ABCD2: variants seen among roughly 807,000 people sequenced by gnomAD.
ABCD2 encodes ATP binding cassette subfamily D member 2.
ABCD2 carries 36 observed loss-of-function variants against 70.9 expected under a neutral mutation model. The ratio of observed to expected loss-of-function variants is 0.51; its 90% confidence interval spans 0.39 to 0.67. ABCD2 has a LOEUF of 0.67. ABCD2 is among the 30% of genes least tolerant of loss of function. The pLI is 0.00. For synonymous variants in ABCD2, 304 were observed against 306.9 expected (o/e 0.99, Z 0.10); for missense variants, 729 against 890.2 (o/e 0.82, Z 2.30).
At chr12:39,598,105 T>C (rs1238422447) in intron 6 of ABCD2, among the ~76,000 whole-genome samples, 2 of 152,228 alleles carry the variant, frequency 1.3e-5, no homozygotes, top group Non-Finnish European at 2.9e-5. Flanking sequence ...GGTTCACTTC[T>C]TTCTTCCGTA....
chr12:39,546,154 AC>A (rs1271793502), downstream of ABCD2, among the ~76,000 whole-genome samples: 18 of 152,182 alleles, frequency 1.2e-4, no homozygotes. Flanking sequence ...AAAAGAAAAA[AC>A]TGCACATTAT....
chr12:39,585,557 T>G (rs751445233), intron 7 of ABCD2, among the ~76,000 whole-genome samples: 32 of 152,182 alleles, frequency 2.1e-4, no homozygotes, highest in Non-Finnish European at 4.0e-4. Context: ...TATTATTAAA[T>G]TATTTGAAAG....
At position 39,551,339 on chromosome 12, in the gene ABCD2, T is replaced by A. The variant is rs562480867; in HGVS notation, c.*2573A>T. 6.6e-6 allele frequency: 1 copy of A among 151,842 alleles called. No homozygotes were observed. Among genetic ancestry groups the A allele is most frequent in the Non-Finnish European group, 1.5e-5 (1 of 67,642 alleles). 9.4% of individuals were successfully genotyped at this position (151,842 alleles called of 1,614,324 possible). On this transcript the variant is annotated 3_prime_UTR_variant, in exon 10 of 10. Transcript: ENST00000308666. ...TGTCAAACGTTTGGGCAAATAGATATAACATGGTAAAAGTAGTTTGAAACT... is the reference window on the plus strand; with the variant it reads ...TGTCAAACGTTTGGGCAAATAGATAAAACATGGTAAAAGTAGTTTGAAACT...
At chr12:39,535,707 C>T in the ABCD2 span, among the ~76,000 whole-genome samples, 3 of 152,154 alleles carry the variant, frequency 2.0e-5, no homozygotes, top group Non-Finnish European at 4.4e-5. Flanking sequence ...ATTTTCAACA[C>T]TTATTCATTC....
intron 9 of ABCD2, 70 bp from the exon 10 acceptor site, chr12:39,554,201 A>G (rs1420463876): frequency 2.1e-6 from 3 of 1,446,996 alleles, no homozygotes; most frequent in East Asian, 2.4e-5. Context: ...TAGGTTTATC[A>G]TTCAAATTGA....
chr12:39,592,004 A>G (rs1183984177), intron 6 of ABCD2, among the ~76,000 whole-genome samples: 1 of 152,152 alleles, frequency 6.6e-6, no homozygotes, highest in East Asian at 1.9e-4. Flanking sequence ...GCATTCTTCC[A>G]AGCCATAGAA....
chr12:39,587,242 C>T (rs965890900), intron 6 of ABCD2, among the ~76,000 whole-genome samples: 38 of 152,086 alleles, frequency 2.5e-4, no homozygotes, highest in African/African-American at 8.9e-4. Context: ...TGAGGAAGAC[C>T]TCTATAAACT....
downstream of ABCD2, among the ~76,000 whole-genome samples, chr12:39,548,211 G>A (rs1162170121): frequency 6.6e-6 from 1 of 152,078 alleles, no homozygotes; most frequent in Non-Finnish European, 1.5e-5. Flanking sequence ...AGATGATTTT[G>A]CCCACCTGTA....
chr12:39,541,013 T>A, the ABCD2 span, among the ~76,000 whole-genome samples: 2 of 151,596 alleles, frequency 1.3e-5, no homozygotes, highest in Non-Finnish European at 2.9e-5. Flanking sequence ...AGAGTTTCAC[T>A]GTTTTCATAA....
In ABCD2 at chr12:39,619,132, T is replaced by C. The variant is rs1942157323; in HGVS notation, c.484A>G (p.Ser162Gly). 6.2e-7 allele frequency: 1 copy of C among 1,614,098 alleles called. No homozygotes were observed. The highest frequency in any genetic ancestry group is 1.1e-5 in the South Asian group (1 of 91,078). Residue 162 changes from serine (S) to glycine (G), a missense_variant, in exon 1 of 10, where the codon AGT (serine) becomes GGT (glycine). This residue lies in a region of ABCD2 where 245 missense variants were observed against 261.2 expected (regional missense o/e 0.94). Coordinates refer to ENST00000308666, the MANE Select transcript of ABCD2 (RefSeq NM_005164.4). ...MIAIPATFVN[S>G]AIRYLECKLA... The stretch of plus-strand genomic sequence containing the variant: ...TTGCATTCCAGGTACCTTATTGCAC[T>C]GTTGACGAAGGTAGCAGGGATGGCA...
chr12:39,572,401 G>C (rs539834275), intron 9 of ABCD2, among the ~76,000 whole-genome samples: 53 of 152,248 alleles, frequency 3.5e-4, no homozygotes, highest in African/African-American at 1.1e-3. Flanking sequence ...TAAAGATCTA[G>C]GTCCTGTTGG....
chr12:39,589,209 T>G (rs78985731), intron 6 of ABCD2, among the ~76,000 whole-genome samples: 5,796 of 152,222 alleles, frequency 0.038, 133 homozygotes, highest in African/African-American at 0.062. Flanking sequence ...TATCTACCTA[T>G]TTTCCCATGG....
At position 39,618,962 on chromosome 12, in the gene ABCD2, G is replaced by A; in HGVS notation, c.654C>T (p.Ser218=). Residue 218 remains serine, a synonymous_variant, in exon 1 of 10, where the codon TCC becomes TCT. Coordinates refer to ENST00000308666, the MANE Select transcript of ABCD2 (RefSeq NM_005164.4). ...QSLTEDIMMF[S]QSVAHLYSNL... is the part of the protein sequence containing the mutation. Reference sequence around the variant, plus strand: ...TGGAATACAAGTGAGCCACAGATTGGGAGAACATCATAATATCCTCCGTAA... The same window carrying A: ...TGGAATACAAGTGAGCCACAGATTGAGAGAACATCATAATATCCTCCGTAA... 7.4e-6 allele frequency: 12 copies of A among 1,614,176 alleles called. No individual in the cohort carries two copies. The highest frequency in any genetic ancestry group is 1.0e-5 in the Non-Finnish European group (12 of 1,180,046).
At chr12:39,583,662 C>T (rs1941627351) in intron 7 of ABCD2, among the ~76,000 whole-genome samples, 2 of 152,220 alleles carry the variant, frequency 1.3e-5, no homozygotes, top group South Asian at 4.1e-4. Context: ...CTGCTCCTCT[C>T]CCTCCTCCTA....
intron 5 of ABCD2, among the ~76,000 whole-genome samples, chr12:39,603,124 T>C (rs572255504): frequency 6.6e-6 from 1 of 152,270 alleles, no homozygotes; most frequent in South Asian, 2.1e-4. Flanking sequence ...TATTTGCAAA[T>C]ACATCTTTAA....
chr12:39,592,997 A>G (rs936358250), intron 6 of ABCD2, among the ~76,000 whole-genome samples: 2 of 152,236 alleles, frequency 1.3e-5, no homozygotes, highest in Non-Finnish European at 2.9e-5. Flanking sequence ...AAAAAAAGCA[A>G]GGATCTCACT....
At chr12:39,570,162 C>A (rs377218670) in intron 9 of ABCD2, among the ~76,000 whole-genome samples, 1 of 152,134 alleles carries the variant, frequency 6.6e-6, no homozygotes, top group East Asian at 1.9e-4. Flanking sequence ...CAATACTACC[C>A]GAAGTGATCT....
chr12:39,571,781 A>G (rs933213201), intron 9 of ABCD2, among the ~76,000 whole-genome samples: 1 of 152,232 alleles, frequency 6.6e-6, no homozygotes, highest in South Asian at 2.1e-4. Context: ...AATTCTATCC[A>G]GGAATCAGAA....
chr12:39,614,509 A>T (rs1366525985), intron 2 of ABCD2, among the ~76,000 whole-genome samples: 1 of 149,036 alleles, frequency 6.7e-6, no homozygotes, highest in Non-Finnish European at 1.5e-5. Context: ...TCTACTTCAC[A>T]TTTTCCCCTT....
Sources: gnomAD v4.1 joint callset for allele counts (sites outside exome capture counted in the v4.1 genomes callset) on GRCh38, gnomAD v4.1.1 for gene constraint, gnomAD v4.1.1 regional missense constraint, MANE v1.5 for transcripts, NCBI Gene and HGNC (gene_info 2026-07-23, HGNC 2026-07-21) for gene names.